The following ESR1 variants were observed in gnomAD, a reference collection of about 807,000 sequenced individuals.
ESR1 encodes the protein estrogen receptor.
A neutral mutation model predicts 52.7 loss-of-function variants in ESR1; 12 were observed. That is an observed-to-expected ratio of 0.23 (90% CI 0.15 to 0.37). The LOEUF (loss-of-function observed/expected upper bound fraction) is 0.37, where lower values mean the gene tolerates loss of function less well. ESR1 is among the 10% of genes least tolerant of loss of function. The pLI, the probability that ESR1 is intolerant of heterozygous loss-of-function variation, is 1.00. For synonymous variants in ESR1, 305 were observed against 316.8 expected, an observed-to-expected ratio of 0.96 and a Z score of 0.39; for missense variants, 584 against 779.7, an observed-to-expected ratio of 0.75 and a Z score of 2.99.
At chr6:151,781,247 T>C (rs1786513048) in intron 2 of ESR1, among the ~76,000 whole-genome samples, 1 of 152,232 alleles carries the variant, frequency 6.6e-6, no homozygotes, top group Non-Finnish European at 1.5e-5. Flanking sequence ...ATTTATTGGC[T>C]CACGATTCTG....
At chr6:151,891,583 T>C (rs1035839610) in intron 3 of ESR1, among the ~76,000 whole-genome samples, 2 of 152,140 alleles carry the variant, frequency 1.3e-5, no homozygotes, top group African/African-American at 2.4e-5. Context: ...TGTTTTTCAG[T>C]TGGATTGTTC....
chr6:152,044,946 G>A (rs1190223303), intron 5 of ESR1, among the ~76,000 whole-genome samples: 1 of 152,068 alleles, frequency 6.6e-6, no homozygotes, highest in Non-Finnish European at 1.5e-5. Context: ...TAGGCTTTAG[G>A]GATATAGGGA....
upstream of ESR1, among the ~76,000 whole-genome samples, chr6:151,801,972 A>C (rs1777292946): frequency 6.6e-6 from 1 of 152,250 alleles, no homozygotes. Flanking sequence ...TGGTGATAGA[A>C]GTCAGGACAA....
rs950898852 is a variant in ESR1 at position 152,099,203 on chromosome 6, C to T, written c.*237C>T. 1.8e-6 allele frequency: 1 copy of T among 569,000 alleles called. No individual in the cohort carries two copies. The highest frequency in any genetic ancestry group is 3.2e-6 in the Non-Finnish European group (1 of 313,728). 35.2% of individuals were successfully genotyped at this position (569,000 alleles called of 1,614,324 possible). Reference sequence around the variant, plus strand: ...AAATCTTTGTAACAGCTCTCTTTCCCCCTTGCTATGTTACTAAGCGTGAGG... The same window carrying T: ...AAATCTTTGTAACAGCTCTCTTTCCTCCTTGCTATGTTACTAAGCGTGAGG... On this transcript the variant is annotated 3_prime_UTR_variant, in exon 8 of 8. Transcript: ENST00000206249.
chr6:151,991,495 A>C (rs1329742403), intron 4 of ESR1, among the ~76,000 whole-genome samples: 1 of 152,136 alleles, frequency 6.6e-6, no homozygotes, highest in African/African-American at 2.4e-5. Context: ...GTTGAAGGAA[A>C]ATTAGACCCA....
rs375293974 is a variant in ESR1, at chr6:151,990,326, CTACCAAATTTACA to C, written c.1097-21326_1097-21314del. ...GTTAGAAAGAGTAGTGTTAGCTACCCTACCAAATTTACATACTGGCTGAACACAGTATGTAAAA... is the reference window on the plus strand; with the variant it reads ...GTTAGAAAGAGTAGTGTTAGCTACCCTACTGGCTGAACACAGTATGTAAAA... On this transcript the variant is annotated intron_variant, in intron 4 of 7. Transcript: ENST00000206249. Among the ~76,000 whole-genome samples the C allele has an allele frequency of 3.4e-4, 51 of 151,972 alleles. 1 individual carries two copies. Among genetic ancestry groups the C allele is most frequent in the African/African-American group, 1.2e-3 (49 of 41,416 alleles).
intron 4 of ESR1, among the ~76,000 whole-genome samples, chr6:151,950,081 G>T (rs2128552971): frequency 6.6e-6 from 1 of 152,282 alleles, no homozygotes; most frequent in South Asian, 2.1e-4. Context: ...GAGTTTTTCT[G>T]CACAAGCTCT....
chr6:152,052,058 C>T (rs1385007550), intron 5 of ESR1, among the ~76,000 whole-genome samples: 6 of 152,108 alleles, frequency 3.9e-5, no homozygotes, highest in Non-Finnish European at 7.4e-5. Context: ...AGAAGCATGG[C>T]GCCAGCATCT....
intron 5 of ESR1, among the ~76,000 whole-genome samples, chr6:152,012,136 C>A (rs1207565108): frequency 2.6e-5 from 4 of 150,976 alleles, no homozygotes; most frequent in Non-Finnish European, 4.4e-5. Context: ...ATTATAATAA[C>A]CTCTCTTTAA....
intron 2 of ESR1, among the ~76,000 whole-genome samples, chr6:151,732,234 G>A (rs531720671): frequency 6.6e-6 from 1 of 152,160 alleles, no homozygotes; most frequent in East Asian, 1.9e-4. Context: ...AGTTCATAGG[G>A]CATGAGTCTC....
At chr6:151,992,504 C>T (rs1216478901) in intron 4 of ESR1, among the ~76,000 whole-genome samples, 1 of 152,160 alleles carries the variant, frequency 6.6e-6, no homozygotes, top group Admixed American at 6.5e-5. Flanking sequence ...TCTTTGATAG[C>T]ACCCAATACA....
At chr6:151,941,875 G>A (rs921514874) in intron 3 of ESR1, among the ~76,000 whole-genome samples, 10 of 152,170 alleles carry the variant, frequency 6.6e-5, no homozygotes, top group African/African-American at 9.7e-5. Context: ...AGTTGAACCC[G>A]TCTTATGCAG....
intron 5 of ESR1, among the ~76,000 whole-genome samples, chr6:152,032,693 A>G (rs2044835853): frequency 1.3e-5 from 2 of 152,212 alleles, no homozygotes; most frequent in South Asian, 4.1e-4. Flanking sequence ...AAGAATCAAT[A>G]TCATGAAAAT....
chr6:151,693,989 T>A (rs777346515), intron 1 of ESR1, among the ~76,000 whole-genome samples: 2 of 152,148 alleles, frequency 1.3e-5, no homozygotes, highest in Non-Finnish European at 2.9e-5. Context: ...CCCCATAACA[T>A]ATGTCCACGA....
At chr6:151,879,374 T>G (rs9340838) in intron 2 of ESR1, among the ~76,000 whole-genome samples, 10,063 of 152,136 alleles carry the variant, frequency 0.066, 542 homozygotes, top group East Asian at 0.18. Flanking sequence ...GAAAACAGAT[T>G]GGTGTGGGTT....
intron 5 of ESR1, among the ~76,000 whole-genome samples, chr6:152,057,896 G>A (rs140809421): frequency 6.6e-6 from 1 of 152,244 alleles, no homozygotes; most frequent in East Asian, 1.9e-4. Flanking sequence ...ACTCTTGCTG[G>A]AAGAGTCAAG....
intron 2 of ESR1, among the ~76,000 whole-genome samples, chr6:151,843,381 T>C (rs549245714): frequency 9.0e-4 from 137 of 152,314 alleles, no homozygotes; most frequent in African/African-American, 3.3e-3. Context: ...AGTATCTACC[T>C]GTAGCATTTC....
At chr6:151,760,383 T>C (rs1784581707) in intron 2 of ESR1, among the ~76,000 whole-genome samples, 1 of 152,230 alleles carries the variant, frequency 6.6e-6, no homozygotes. Context: ...CAAACAAGCA[T>C]CTAGAAATAG....
rs144725004 is a variant in ESR1, at chr6:151,920,567, A to G, written c.761-23606A>G. Among the ~76,000 whole-genome samples the G allele has an allele frequency of 3.7e-4, 57 of 152,186 alleles. No individual in the cohort carries two copies. In the East Asian group the frequency reaches 7.7e-3, roughly 21 times the overall value. On this transcript the variant is annotated intron_variant, in intron 3 of 7. Transcript: ENST00000206249. The stretch of plus-strand genomic sequence containing the variant: ...GACCCCATCAGGATATGGTATGTAT[A>G]GTTGTCATGTCTTCCCAGGCTCGCC...
Sources: allele counts gnomAD v4.1 joint callset (sites outside exome capture counted in the v4.1 genomes callset), GRCh38; gene constraint gnomAD v4.1.1; transcripts MANE v1.5; gene names NCBI Gene and HGNC (gene_info 2026-07-23, HGNC 2026-07-21).